Variants in SLF2 observed in about 807,000 individuals in gnomAD.
SLF2 encodes the protein SMC5/6 complex localization factor 2.
A neutral mutation model predicts 124.3 loss-of-function variants in SLF2; 68 were observed. That is an observed-to-expected ratio of 0.55 (90% CI 0.45 to 0.67). The LOEUF (loss-of-function observed/expected upper bound fraction) is 0.67. SLF2 is among the 30% of genes least tolerant of loss of function. The pLI, the probability that SLF2 is intolerant of heterozygous loss-of-function variation, is 0.00. For synonymous variants in SLF2, 480 were observed against 478.8 expected, an observed-to-expected ratio of 1.00 and a Z score of -0.03; for missense variants, 1,246 against 1,373.7, an observed-to-expected ratio of 0.91 and a Z score of 1.47.
intron 19 of SLF2, among the ~76,000 whole-genome samples, chr10:100,961,126 C>T (rs986103397): frequency 1.3e-5 from 2 of 149,710 alleles, no homozygotes; most frequent in East Asian, 2.0e-4. Flanking sequence ...TCTCCTGCCT[C>T]AGCCTCCTCA....
At chr10:100,946,850 A>C (rs1452138878) in intron 13 of SLF2, among the ~76,000 whole-genome samples, 189 bp from the exon 14 acceptor site, 2 of 152,264 alleles carry the variant, frequency 1.3e-5, no homozygotes, top group African/African-American at 4.8e-5. Context: ...CATTTAAGAT[A>C]GTATAAGTAA....
chr10:100,952,452 CAGG>C (rs1444506478), intron 17 of SLF2, among the ~76,000 whole-genome samples: 2 of 150,398 alleles, frequency 1.3e-5, no homozygotes, highest in Non-Finnish European at 3.0e-5. Flanking sequence ...GAGGCTGAAG[CAGG>C]AGAACTGCCT....
chr10:100,961,843 G>C, intron 19 of SLF2, 34 bp from the exon 20 acceptor site: 2 of 1,597,342 alleles, frequency 1.3e-6, no homozygotes, highest in Non-Finnish European at 8.6e-7. Context: ...ATTAAATTTT[G>C]CTTTACCCTC....
In SLF2 at chr10:100,944,006, C is replaced by T. The variant is rs150333446; in HGVS notation, c.2655-20C>T. The T allele has an allele frequency of 1.3e-6, 2 of 1,537,264 alleles. No individual in the cohort carries two copies. Among genetic ancestry groups the T allele is most frequent in the East Asian group, 2.3e-5 (1 of 43,640 alleles). ...ATATTTTGTGCCTAACTTCACATTG[C>T]TTTACTCACTTCTCAATAGTTCTGA... On this transcript the variant is annotated intron_variant, in intron 11 of 19. Coordinates refer to ENST00000238961, the MANE Select transcript of SLF2 (RefSeq NM_018121.4).
Position 100,950,196 on chromosome 10 carries a change from C to G in SLF2, c.3241C>G (p.Leu1081Val). Residue 1081 changes from leucine (L) to valine (V), a missense_variant, in exon 16 of 20, where the codon CTT becomes GTT. This residue lies in a region of SLF2 where 535 missense variants were observed against 632.8 expected (regional missense o/e 0.85). Coordinates refer to ENST00000238961, the MANE Select transcript of SLF2 (RefSeq NM_018121.4). ...TATTGATGACAGTCTTCATTTAGAA[C>G]TTGAAAAGCAGGTATCCAGTGCTAG... The part of the protein sequence containing the change: ...GIIDDSLHLE[L>V]EKQAYYLTYI... 6.2e-7 allele frequency: 1 copy of G among 1,613,240 alleles called. No individual in the cohort carries two copies. Among genetic ancestry groups the G allele is most frequent in the Non-Finnish European group, 8.5e-7 (1 of 1,179,654 alleles).
At chr10:100,944,276 A>ACC in intron 12 of SLF2, 148 bp downstream of exon 12, 7 of 502,152 alleles carry the variant, frequency 1.4e-5, no homozygotes, top group South Asian at 6.1e-5. Context: ...CGGGCAGATC[A>ACC]CAAGGTCAGG....
Position 100,924,292 on chromosome 10 carries a change from AC to A in SLF2, c.1293del (p.Lys432ArgfsTer55). On this transcript the variant is annotated frameshift_variant, in exon 5 of 20. Coordinates refer to ENST00000238961, the MANE Select transcript of SLF2 (RefSeq NM_018121.4). LOFTEE classifies it high-confidence loss of function. ...TAGTGACCAAATCCAAGTGGCAGGT[AC>A]CAAGGAGACTAAGATGCAGAAACCC... ...RNSDQIQVAG[T>X]KETKMQKPHL... The A allele has an allele frequency of 6.2e-7, 1 of 1,614,174 alleles. No individual in the cohort carries two copies. The highest frequency in any genetic ancestry group is 8.5e-7 in the Non-Finnish European group (1 of 1,180,024).
At position 100,945,393 on chromosome 10, in the gene SLF2, A is replaced by G; in HGVS notation, c.2821A>G (p.Ile941Val). The change falls in exon 13 of 20, where the codon ATT (isoleucine) becomes GTT (valine). Residue 941 changes from isoleucine (I) to valine (V), a missense_variant. By Grantham distance (29) the Ile-to-Val change is conservative. Transcript: ENST00000238961. Reference protein sequence around the residue: ...GYQDREIMLLILMLFKMSLEK... With the variant: ...GYQDREIMLLVLMLFKMSLEK... ...CCAGGATCGTGAAATAATGTTGCTG[A>G]TTTTAATGTTATTTAAAATGAGTTT... 6.2e-7 allele frequency: 1 copy of G among 1,603,490 alleles called. No homozygotes were observed. Among genetic ancestry groups the G allele is most frequent in the Non-Finnish European group, 8.5e-7 (1 of 1,177,672 alleles).
intron 11 of SLF2, among the ~76,000 whole-genome samples, chr10:100,940,135 C>G (rs1445450410): frequency 6.6e-6 from 1 of 152,132 alleles, no homozygotes; most frequent in Non-Finnish European, 1.5e-5. Context: ...TTAGTGAACT[C>G]AGTAGTGTGT....
intron 10 of SLF2, 38 bp downstream of exon 10, chr10:100,937,515 T>G: frequency 8.7e-7 from 1 of 1,155,070 alleles, no homozygotes; most frequent in Admixed American, 1.7e-5. Flanking sequence ...CCGTGTGTAT[T>G]ATTGGTTGCT....
intron 9 of SLF2, among the ~76,000 whole-genome samples, chr10:100,936,129 G>A (rs2133794309): frequency 6.6e-6 from 1 of 152,066 alleles, no homozygotes; most frequent in East Asian, 1.9e-4. Context: ...CCAAAGTGCT[G>A]AGATTACAGG....
intron 15 of SLF2, 134 bp downstream of exon 15, chr10:100,947,981 C>T: frequency 1.8e-6 from 1 of 553,476 alleles, no homozygotes; most frequent in Non-Finnish European, 3.2e-6. Flanking sequence ...CATGTAATCT[C>T]TAGCACACTT....
At chr10:100,961,105 G>A (rs1038125361) in intron 19 of SLF2, among the ~76,000 whole-genome samples, 2 of 145,490 alleles carry the variant, frequency 1.4e-5, no homozygotes, top group South Asian at 2.1e-4. Flanking sequence ...TGCCTCCTGG[G>A]TTCACGCCAT....
intron 11 of SLF2, 94 bp downstream of exon 11, chr10:100,938,830 A>G: frequency 8.5e-7 from 1 of 1,182,212 alleles, no homozygotes; most frequent in South Asian, 2.1e-5. Flanking sequence ...TCTGATTTTT[A>G]AAAAGATCTC....
chr10:100,913,330 C>T (rs1349018513), intron 1 of SLF2, 80 bp downstream of exon 1: 2 of 1,385,012 alleles, frequency 1.4e-6, no homozygotes, highest in Admixed American at 3.5e-5. Context: ...GCCGCTCTTC[C>T]AGTTCCCGCC....
At chr10:100,934,811 G>A (rs1849813290) in intron 9 of SLF2, among the ~76,000 whole-genome samples, 3 of 149,292 alleles carry the variant, frequency 2.0e-5, no homozygotes, top group Non-Finnish European at 4.5e-5. Flanking sequence ...TATTAGAGAT[G>A]GGGTTTCACC....
chr10:100,939,000 A>G (rs1170117868), intron 11 of SLF2, among the ~76,000 whole-genome samples: 1 of 152,198 alleles, frequency 6.6e-6, no homozygotes, highest in Non-Finnish European at 1.5e-5. Context: ...TTTTGGTGGA[A>G]GTATTGGCCA....
intron 1 of SLF2, 34 bp from the exon 2 acceptor site, chr10:100,915,965 C>A: frequency 6.6e-7 from 1 of 1,512,894 alleles, no homozygotes; most frequent in South Asian, 1.1e-5. Flanking sequence ...TTAATATTTG[C>A]TTATATGATG....
chr10:100,918,329 T>C, intron 3 of SLF2, 55 bp from the exon 4 acceptor site: 1 of 1,148,078 alleles, frequency 8.7e-7, no homozygotes, highest in Non-Finnish European at 1.3e-6. Context: ...AAGAATGCCT[T>C]CACATTCTTT....
Sources: allele counts gnomAD v4.1 joint callset (sites outside exome capture counted in the v4.1 genomes callset), GRCh38; gene constraint gnomAD v4.1.1; regional missense constraint gnomAD v4.1.1; transcripts MANE v1.5; gene names NCBI Gene and HGNC (gene_info 2026-07-23, HGNC 2026-07-21).